CNTN5: variants seen among roughly 807,000 people sequenced by gnomAD.
The protein encoded by CNTN5 is contactin 5.
CNTN5 carries 77 observed loss-of-function variants against 129.1 expected under a neutral mutation model. The ratio of observed to expected loss-of-function variants is 0.60; its 90% CI spans 0.50 to 0.72. The LOEUF is 0.72. CNTN5 is among the 30% of genes least tolerant of loss of function. The probability of loss-of-function intolerance (pLI) is 0.00; values close to 1 mark genes in which losing one functional copy is unlikely to be tolerated. For synonymous variants in CNTN5, 509 were observed against 465.6 expected (o/e 1.09, Z -1.20); for missense variants, 1,478 against 1,328.8 (o/e 1.11, Z -1.75).
chr11:99,889,291 GGTGTGTGTGTGTGTGTGTGT>G (rs71050029), intron 6 of CNTN5, among the ~76,000 whole-genome samples: 146 of 33,220 alleles, frequency 4.4e-3, no homozygotes, highest in Middle Eastern at 0.014. Context: ...CTCCAGAGCA[GGTGTGTGTGTGTGTGTGTGT>G]GTGTGTGTGT....
At chr11:100,229,402 T>G (rs1469869055) in intron 16 of CNTN5, among the ~76,000 whole-genome samples, 2 of 152,172 alleles carry the variant, frequency 1.3e-5, no homozygotes, top group African/African-American at 4.8e-5. Context: ...AGTTGTAAAG[T>G]ATTATTGGTT....
intron 9 of CNTN5, among the ~76,000 whole-genome samples, chr11:100,037,833 A>G (rs1363030799): frequency 6.6e-6 from 1 of 151,900 alleles, no homozygotes. Flanking sequence ...ATCATTTTTT[A>G]TTGCATCAAT....
chr11:99,519,619 T>G, intron 2 of CNTN5, among the ~76,000 whole-genome samples: 1 of 152,112 alleles, frequency 6.6e-6, no homozygotes, highest in Non-Finnish European at 1.5e-5. Context: ...ACAGTATTAT[T>G]TCTACTTTTA....
intron 18 of CNTN5, among the ~76,000 whole-genome samples, chr11:100,287,752 TAAC>T (rs1471375578): frequency 1.3e-5 from 2 of 152,012 alleles, no homozygotes; most frequent in Non-Finnish European, 2.9e-5. Flanking sequence ...AATTCACACA[TAAC>T]AATATTAACT....
intron 2 of CNTN5, among the ~76,000 whole-genome samples, chr11:99,367,520 G>A (rs1939527959): frequency 1.3e-5 from 2 of 152,056 alleles, no homozygotes; most frequent in South Asian, 2.1e-4. Context: ...TTTATGGGAT[G>A]CAATTTAGCA....
intron 3 of CNTN5, among the ~76,000 whole-genome samples, chr11:99,609,841 G>T (rs1171532255): frequency 6.6e-6 from 1 of 152,042 alleles, no homozygotes; most frequent in African/African-American, 2.4e-5. Context: ...AGTTCTTTTT[G>T]CAAGGTCCTT....
chr11:99,513,908 T>C (rs1397397549), intron 2 of CNTN5, among the ~76,000 whole-genome samples: 1 of 152,082 alleles, frequency 6.6e-6, no homozygotes, highest in African/African-American at 2.4e-5. Context: ...TCTTTTTATT[T>C]AAGAAATACA....
chr11:99,022,688 CA>C (rs149257476), intron 1 of CNTN5, among the ~76,000 whole-genome samples: 3 of 150,118 alleles, frequency 2.0e-5, no homozygotes, highest in African/African-American at 4.9e-5. Flanking sequence ...GGGAAAAAGG[CA>C]AAAAAAATCA....
chr11:100,044,302 A>G (rs1203073593), intron 9 of CNTN5, among the ~76,000 whole-genome samples: 3 of 152,100 alleles, frequency 2.0e-5, no homozygotes, highest in Non-Finnish European at 4.4e-5. Context: ...GAGTGCAGGT[A>G]TATTTTTAAT....
At chr11:100,043,527 A>T (rs1156399556) in intron 9 of CNTN5, among the ~76,000 whole-genome samples, 1 of 152,194 alleles carries the variant, frequency 6.6e-6, no homozygotes, top group Non-Finnish European at 1.5e-5. Flanking sequence ...TTGAAGGGAA[A>T]ACCTGCACTT....
intron 1 of CNTN5, among the ~76,000 whole-genome samples, chr11:99,145,433 C>A (rs549091398): frequency 6.6e-6 from 1 of 151,080 alleles, no homozygotes; most frequent in South Asian, 2.1e-4. Flanking sequence ...ACTTTGGTTT[C>A]GGTTGTGGGT....
intron 3 of CNTN5, among the ~76,000 whole-genome samples, chr11:99,595,422 C>T (rs1370068915): frequency 1.3e-5 from 2 of 152,036 alleles, no homozygotes; most frequent in East Asian, 1.9e-4. Context: ...TTACCCATAA[C>T]TCAGTCTTTG....
intron 1 of CNTN5, among the ~76,000 whole-genome samples, chr11:99,188,250 A>C (rs1858454251): frequency 6.6e-6 from 1 of 151,804 alleles, no homozygotes; most frequent in Non-Finnish European, 1.5e-5. Flanking sequence ...ATAAACATGT[A>C]TATATGTCAC....
intron 6 of CNTN5, among the ~76,000 whole-genome samples, chr11:99,905,337 C>T (rs1215485869): frequency 1.3e-5 from 2 of 152,206 alleles, no homozygotes; most frequent in Middle Eastern, 3.4e-3. Flanking sequence ...GGAAGGGGTC[C>T]AGTTTCAGTT....
intron 18 of CNTN5, among the ~76,000 whole-genome samples, chr11:100,273,113 C>G (rs970659402): frequency 1.3e-5 from 2 of 152,228 alleles, no homozygotes; most frequent in Admixed American, 1.3e-4. Flanking sequence ...TGGCCTCTCC[C>G]CGAGCCTCAG....
At chr11:99,964,279 A>G (rs940372117) in intron 8 of CNTN5, among the ~76,000 whole-genome samples, 3 of 152,158 alleles carry the variant, frequency 2.0e-5, no homozygotes, top group African/African-American at 7.2e-5. Flanking sequence ...CCCATTCAGT[A>G]TGGTATTGGC....
chr11:99,646,654 AAG>A (rs1951973266), intron 3 of CNTN5, among the ~76,000 whole-genome samples: 1 of 152,154 alleles, frequency 6.6e-6, no homozygotes, highest in Non-Finnish European at 1.5e-5. Flanking sequence ...TTTAAGGAAA[AAG>A]AGTGCATTTT....
chr11:100,071,797 T>C lies in CNTN5; in HGVS notation c.1392T>C (p.Tyr464=), dbSNP rs776823952. The C allele has an allele frequency of 6.2e-7, 1 of 1,608,338 alleles. No individual in the cohort carries two copies. The highest frequency in any genetic ancestry group is 8.5e-7 in the Non-Finnish European group (1 of 1,177,340). ...ATCAGTGTTTGGCTGAAAATAAGTA[T>C]GGAGCCATTTACGCTAGTGCTGAGC... is the stretch of plus-strand genomic sequence containing the variant. ...GMYQCLAENK[Y]GAIYASAELK... The change falls in exon 12 of 25, where the codon TAT becomes TAC. Residue 464 remains tyrosine (Y), a synonymous_variant. Transcript: ENST00000524871.
At chr11:99,441,527 C>T (rs1006244227) in intron 2 of CNTN5, among the ~76,000 whole-genome samples, 13 of 152,222 alleles carry the variant, frequency 8.5e-5, no homozygotes, top group African/African-American at 2.9e-4. Flanking sequence ...ATATTTCCTC[C>T]AATGTGAAAC....
Sources: allele counts gnomAD v4.1 joint callset (sites outside exome capture counted in the v4.1 genomes callset), GRCh38; gene constraint gnomAD v4.1.1; transcripts MANE v1.5; gene names NCBI Gene and HGNC (gene_info 2026-07-23, HGNC 2026-07-21).